The following MANBA variants were observed in gnomAD, a reference collection of about 807,000 sequenced individuals.
The protein encoded by MANBA is beta-mannosidase.
In MANBA, 83 loss-of-function variants were observed where a neutral mutation model predicts 111.1. The observed-to-expected ratio is 0.75, with a 90% CI of 0.63 to 0.90. The LOEUF (loss-of-function observed/expected upper bound fraction) is 0.90. Among genes scored for constraint, MANBA ranks in the 40% least tolerant of loss-of-function variants. The pLI is 0.00. For missense variants in MANBA, 1,036 were observed against 1,069.0 expected (o/e 0.97, Z 0.43); for synonymous variants, 370 against 378.7 (o/e 0.98, Z 0.27).
Position 102,632,118 on chromosome 4 carries a change from G to A in MANBA, c.2579C>T (p.Pro860Leu). 1 of 1,612,890 alleles carries A rather than the reference G, an allele frequency of 6.2e-7. No individual in the cohort carries two copies. The highest frequency in any genetic ancestry group is 1.1e-5 in the South Asian group (1 of 91,036). Residue 860 changes from proline (P) to leucine (L), a missense_variant, in exon 17 of 17, where the codon CCC (proline) becomes CTC (leucine). By Grantham distance (98) the Pro-to-Leu change is moderately conservative. Coordinates refer to ENST00000647097, the MANE Select transcript of MANBA (RefSeq NM_005908.4). ...TTGCTCCAACTCATTCTTGCTGGTGGGCTCCCAAGGGTAAAATAATATAGT... is the reference window on the plus strand; with the variant it reads ...TTGCTCCAACTCATTCTTGCTGGTGAGCTCCCAAGGGTAAAATAATATAGT... ...TRTILFYPWE[P>L]TSKNELEQSF...
At chr4:102,699,519 T>G (rs547091248) in intron 5 of MANBA, among the ~76,000 whole-genome samples, 111 of 150,630 alleles carry the variant, frequency 7.4e-4, no homozygotes, top group African/African-American at 2.6e-3. Context: ...CTTATTATTT[T>G]GAGATACGTC....
Position 102,632,260 on chromosome 4 carries a change from C to T in MANBA, c.2437G>A (p.Asp813Asn). The stretch of plus-strand genomic sequence containing the variant: ...GTCTCCAGGTCAAAAACAAATATGT[C>T]ACCTTGCTGAGAGATGATGGCCTGA... Reference protein sequence around the residue: ...QITAIISQQGDIFVFDLETSA... With the variant: ...QITAIISQQGNIFVFDLETSA... The change falls in exon 17 of 17, where the codon GAC (aspartate) becomes AAC (asparagine). Residue 813 changes from aspartate to asparagine, a missense_variant. Transcript: ENST00000647097. The T allele has an allele frequency of 6.2e-7, 1 of 1,611,580 alleles. No individual in the cohort carries two copies. The highest frequency in any genetic ancestry group is 8.5e-7 in the Non-Finnish European group (1 of 1,178,730).
At chr4:102,726,724 T>G (rs771113573) in intron 1 of MANBA, 41 bp from the exon 2 acceptor site, 2 of 890,210 alleles carry the variant, frequency 2.2e-6, no homozygotes, top group Admixed American at 3.6e-5. Context: ...TGGTTAAATA[T>G]GCACAAATAA....
intron 7 of MANBA, among the ~76,000 whole-genome samples, chr4:102,688,884 G>T (rs1029259143): frequency 6.6e-6 from 1 of 152,160 alleles, no homozygotes; most frequent in Admixed American, 6.5e-5. Flanking sequence ...TGGTTCTGGG[G>T]AGTAGGAAGT....
At chr4:102,652,586 T>G (rs1730384721) in intron 12 of MANBA, among the ~76,000 whole-genome samples, 1 of 152,150 alleles carries the variant, frequency 6.6e-6, no homozygotes, top group Admixed American at 6.6e-5. Flanking sequence ...GAATATTAAC[T>G]TATTTGGTAC....
chr4:102,657,223 G>T (rs78269313), intron 12 of MANBA, among the ~76,000 whole-genome samples: 590 of 40,314 alleles, frequency 0.015, 14 homozygotes, highest in Middle Eastern at 0.035. Flanking sequence ...GGAGTGGGGT[G>T]GGGGGGGGGT....
intron 11 of MANBA, among the ~76,000 whole-genome samples, chr4:102,659,224 T>A (rs2110211357): frequency 6.6e-6 from 1 of 152,306 alleles, no homozygotes; most frequent in East Asian, 1.9e-4. Context: ...AATTTAGTGC[T>A]GAAACCAGAT....
chr4:102,729,602 C>T, intron 1 of MANBA: 2 of 935,792 alleles, frequency 2.1e-6, no homozygotes, highest in Non-Finnish European at 3.5e-6. Flanking sequence ...CAAATTCATT[C>T]TCCACCTCTG....
chr4:102,759,439 T>C (rs1465597332), intron 1 of MANBA, among the ~76,000 whole-genome samples: 1 of 152,180 alleles, frequency 6.6e-6, no homozygotes, highest in African/African-American at 2.4e-5. Context: ...AGCTGTGTTC[T>C]CTATCACAAG....
intron 5 of MANBA, 90 bp downstream of exon 5, chr4:102,714,348 T>C: frequency 7.8e-7 from 1 of 1,281,228 alleles, no homozygotes; most frequent in Non-Finnish European, 1.1e-6. Flanking sequence ...TCTAAATCTC[T>C]GAAAAACATA....
At chr4:102,750,295 C>A (rs760398347) in intron 1 of MANBA, among the ~76,000 whole-genome samples, 5 of 151,810 alleles carry the variant, frequency 3.3e-5, no homozygotes, top group Non-Finnish European at 5.9e-5. Context: ...TCACGTAAAG[C>A]CAAATATTTC....
chr4:102,693,578 C>T (rs147059090), intron 5 of MANBA, among the ~76,000 whole-genome samples: 24 of 152,220 alleles, frequency 1.6e-4, no homozygotes, highest in African/African-American at 4.1e-4. Flanking sequence ...GCCAGAACTA[C>T]GAGAAATAAA....
intron 1 of MANBA, among the ~76,000 whole-genome samples, chr4:102,739,170 A>C (rs542553423): frequency 1.4e-4 from 22 of 152,360 alleles, no homozygotes; most frequent in African/African-American, 4.8e-4. Flanking sequence ...GGCTACTATG[A>C]ACATCTTTAT....
At chr4:102,673,541 C>A (rs534382302) in intron 8 of MANBA, among the ~76,000 whole-genome samples, 4 of 151,912 alleles carry the variant, frequency 2.6e-5, no homozygotes, top group Admixed American at 1.3e-4. Context: ...GTGTTCTTAT[C>A]TTTCAAAACC....
At chr4:102,655,102 A>G (rs1560751013) in intron 12 of MANBA, among the ~76,000 whole-genome samples, 1 of 152,212 alleles carries the variant, frequency 6.6e-6, no homozygotes. Flanking sequence ...TAGCGTCAGG[A>G]AGAATAAAAC....
Position 102,639,756 on chromosome 4 carries a change from C to T in MANBA, c.1971G>A (p.Trp657Ter). 2 of 1,614,124 alleles carry T rather than the reference C, an allele frequency of 1.2e-6. No individual in the cohort carries two copies. The highest frequency in any genetic ancestry group is 1.7e-6 in the Non-Finnish European group (2 of 1,180,006). The change falls in exon 14 of 17, where the codon TGG (tryptophan) becomes TGA (stop). Residue 657 changes from tryptophan (W) to a stop codon, truncating the protein, a stop_gained. Transcript: ENST00000647097. LOFTEE classifies it high-confidence loss of function. Reference protein sequence around the residue: ...QQGHTMGALYWQLNDIWQAPS... With the variant: ...QQGHTMGALY ...GAGCTTGCCAGATGTCATTCAACTGCCAATAAAGTGCCCCCATCGTGTGCC... is the reference window on the plus strand; with the variant it reads ...GAGCTTGCCAGATGTCATTCAACTGTCAATAAAGTGCCCCCATCGTGTGCC...
At chr4:102,742,641 G>A (rs924406393) in intron 1 of MANBA, among the ~76,000 whole-genome samples, 1 of 152,164 alleles carries the variant, frequency 6.6e-6, no homozygotes, top group Non-Finnish European at 1.5e-5. Context: ...TGTAAAGTGA[G>A]GGCCTTGGTC....
At chr4:102,757,129 A>G (rs538570305) in intron 1 of MANBA, among the ~76,000 whole-genome samples, 1 of 152,316 alleles carries the variant, frequency 6.6e-6, no homozygotes, top group East Asian at 1.9e-4. Context: ...TGGGAGTTCA[A>G]GACCAGCCTG....
intron 13 of MANBA, among the ~76,000 whole-genome samples, chr4:102,641,628 T>C (rs901737711): frequency 1.3e-5 from 2 of 152,180 alleles, no homozygotes; most frequent in African/African-American, 4.8e-5. Flanking sequence ...GCAAGCAGCA[T>C]TGGTGCCACC....
Sources: gnomAD v4.1 joint callset for allele counts (sites outside exome capture counted in the v4.1 genomes callset) on GRCh38, gnomAD v4.1.1 for gene constraint, MANE v1.5 for transcripts, NCBI Gene and HGNC (gene_info 2026-07-23, HGNC 2026-07-21) for gene names.